Variants in ESRRB observed in about 807,000 individuals in gnomAD.
ESRRB encodes estrogen related receptor beta.
In ESRRB, 16 loss-of-function variants were observed where a neutral mutation model predicts 46.0. That is an observed-to-expected ratio of 0.35 (90% CI 0.24 to 0.53). ESRRB has a LOEUF of 0.53. ESRRB is among the 20% of genes least tolerant of loss of function. The probability of loss-of-function intolerance (pLI) is 0.93; values close to 1 mark genes in which losing one functional copy is unlikely to be tolerated. For missense variants in ESRRB, 488 were observed against 607.4 expected, an observed-to-expected ratio of 0.80 and a Z score of 2.07; for synonymous variants, 246 against 259.6, an observed-to-expected ratio of 0.95 and a Z score of 0.50.
chr14:76,403,614 C>CTGCTCAGCTCTACATTTCCT (rs1429665765), intron 1 of ESRRB, among the ~76,000 whole-genome samples: 2 of 152,178 alleles, frequency 1.3e-5, no homozygotes, highest in Non-Finnish European at 2.9e-5. Flanking sequence ...CAGAGAGACC[C>CTGCTCAGCTCTACATTTCCT]TGCTCAGCTC....
intron 2 of ESRRB, among the ~76,000 whole-genome samples, chr14:76,455,148 C>T (rs954133104): frequency 3.3e-5 from 5 of 152,058 alleles, no homozygotes; most frequent in Admixed American, 2.6e-4. Flanking sequence ...ACCTGGGAGG[C>T]GGAGGCTGCA....
chr14:76,349,006 C>T (rs1000966752), intron 1 of ESRRB, among the ~76,000 whole-genome samples: 2 of 152,222 alleles, frequency 1.3e-5, no homozygotes, highest in Non-Finnish European at 2.9e-5. Context: ...AGCAGGCCCC[C>T]CTTCCCACTC....
At chr14:76,329,741 T>C (rs1595045801) in intron 1 of ESRRB, among the ~76,000 whole-genome samples, 1 of 152,146 alleles carries the variant, frequency 6.6e-6, no homozygotes, top group Non-Finnish European at 1.5e-5. Context: ...CAGTCCGTCC[T>C]GCCGTTGTTC....
upstream of ESRRB, among the ~76,000 whole-genome samples, chr14:76,371,973 G>A (rs1283853162): frequency 2.0e-5 from 3 of 152,160 alleles, no homozygotes; most frequent in African/African-American, 4.8e-5. Flanking sequence ...GCTGGTGTCT[G>A]GGGAGGCTGC....
intron 1 of ESRRB, among the ~76,000 whole-genome samples, chr14:76,414,489 G>T (rs943844559): frequency 3.3e-5 from 5 of 151,130 alleles, no homozygotes; most frequent in African/African-American, 1.2e-4. Context: ...GTGCCCCTGT[G>T]GTTCCTCCCC....
At chr14:76,466,064 A>G (rs903237029) in intron 3 of ESRRB, among the ~76,000 whole-genome samples, 4 of 152,110 alleles carry the variant, frequency 2.6e-5, no homozygotes, top group African/African-American at 9.7e-5. Context: ...GCCCCCCAAG[A>G]CCAGCGTGGG....
intron 1 of ESRRB, among the ~76,000 whole-genome samples, chr14:76,359,497 G>C (rs1471401351): frequency 1.3e-5 from 2 of 152,170 alleles, no homozygotes; most frequent in Admixed American, 1.3e-4. Flanking sequence ...ACCCTATTAG[G>C]TCAGTCCTAT....
intron 1 of ESRRB, among the ~76,000 whole-genome samples, chr14:76,359,309 C>T (rs1393379212): frequency 6.6e-6 from 1 of 152,156 alleles, no homozygotes. Context: ...TAGAGAGAAA[C>T]CCATTCAAGG....
rs1372103456 is a variant in ESRRB, at chr14:76,501,045, GGACT to G, written c.*2592_*2595del. On this transcript the variant is annotated 3_prime_UTR_variant, in exon 7 of 7. Coordinates refer to ENST00000644823, the MANE Select transcript of ESRRB (RefSeq NM_001379180.1). ...GAGGACCCTCTCCGGGGAAGGGAGA[GGACT>G]GACTTAGTGGAAGGTGGTGAAGTGA... The G allele has an allele frequency of 6.9e-6, 3 of 435,120 alleles. No homozygotes were observed. In the East Asian group the frequency reaches 1.3e-4, roughly 19 times the overall value. 27.0% of individuals were successfully genotyped at this position (435,120 alleles called of 1,614,324 possible).
chr14:76,377,047 G>A (rs981300677), intron 1 of ESRRB, among the ~76,000 whole-genome samples: 3 of 152,330 alleles, frequency 2.0e-5, no homozygotes, highest in African/African-American at 7.2e-5. Context: ...GGGGATGCGG[G>A]CCCAGCGCTG....
intron 1 of ESRRB, among the ~76,000 whole-genome samples, chr14:76,355,007 G>A (rs567656524): frequency 6.8e-4 from 103 of 152,180 alleles, no homozygotes; most frequent in African/African-American, 2.4e-3. Context: ...CACCATGCCC[G>A]GCCGGTCCTG....
chr14:76,408,868 G>A (rs957687005), intron 1 of ESRRB, among the ~76,000 whole-genome samples: 10 of 152,232 alleles, frequency 6.6e-5, no homozygotes, highest in South Asian at 2.1e-4. Context: ...TCCATTGAGC[G>A]CTTCATTTCA....
intron 5 of ESRRB, among the ~76,000 whole-genome samples, chr14:76,483,561 C>T (rs533437029): frequency 1.3e-5 from 2 of 152,272 alleles, no homozygotes; most frequent in East Asian, 3.9e-4. Context: ...GGGCAGATGG[C>T]GGGAGCTTTT....
At chr14:76,332,343 G>C (rs1185927793) in intron 1 of ESRRB, among the ~76,000 whole-genome samples, 1 of 146,052 alleles carries the variant, frequency 6.8e-6, no homozygotes, top group Admixed American at 7.3e-5. Context: ...GTCTCAAAAA[G>C]GCTGGAGTGC....
At chr14:76,447,184 T>C (rs1888182589) in intron 2 of ESRRB, among the ~76,000 whole-genome samples, 1 of 152,036 alleles carries the variant, frequency 6.6e-6, no homozygotes, top group Non-Finnish European at 1.5e-5. Context: ...TCCCTCCTCC[T>C]GAGACCCTCT....
At chr14:76,480,219 C>T (rs545859779) in intron 3 of ESRRB, among the ~76,000 whole-genome samples, 8 of 152,234 alleles carry the variant, frequency 5.3e-5, no homozygotes, top group Admixed American at 2.6e-4. Context: ...CCCCTCTCCC[C>T]GACTAAAAAA....
intron 2 of ESRRB, among the ~76,000 whole-genome samples, chr14:76,445,366 G>A (rs561865740): frequency 4.8e-4 from 72 of 150,430 alleles, no homozygotes; most frequent in African/African-American, 1.6e-3. Flanking sequence ...AGCTACTCGA[G>A]AGGCTGAGAC....
chr14:76,324,892 A>AG (rs1883909399), intron 1 of ESRRB, among the ~76,000 whole-genome samples: 1 of 151,912 alleles, frequency 6.6e-6, no homozygotes, highest in Non-Finnish European at 1.5e-5. Flanking sequence ...ATTTGCCTTC[A>AG]GCAAAAGGCC....
intron 1 of ESRRB, among the ~76,000 whole-genome samples, chr14:76,397,039 G>A (rs1885717797): frequency 6.6e-6 from 1 of 152,224 alleles, no homozygotes; most frequent in African/African-American, 2.4e-5. Context: ...GGACATGAAA[G>A]GGGCCCTGGG....
Sources: gnomAD v4.1 joint callset for allele counts (sites outside exome capture counted in the v4.1 genomes callset) on GRCh38, gnomAD v4.1.1 for gene constraint, MANE v1.5 for transcripts, NCBI Gene and HGNC (gene_info 2026-07-23, HGNC 2026-07-21) for gene names.